Variants in ARHGEF9 observed in about 807,000 individuals in gnomAD.
ARHGEF9 encodes Cdc42 guanine nucleotide exchange factor 9.
ARHGEF9 carries 2 observed loss-of-function variants against 41.3 expected under a neutral mutation model. The ratio of observed to expected loss-of-function variants is 0.05; its 90% CI spans 0.02 to 0.15. The LOEUF (loss-of-function observed/expected upper bound fraction) is 0.15, where lower values mean the gene tolerates loss of function less well. Among genes scored for constraint, ARHGEF9 ranks in the 10% least tolerant of loss-of-function variants. The pLI is 1.00. For missense variants in ARHGEF9, 225 were observed against 424.7 expected (o/e 0.53, Z 4.13); for synonymous variants, 160 against 154.4 (o/e 1.04, Z -0.27).
chrX:63,648,288 T>C (rs781801748), intron 8 of ARHGEF9, among the ~76,000 whole-genome samples: 4 of 110,572 alleles, frequency 3.6e-5, no homozygotes, highest in Non-Finnish European at 3.8e-5. Context: ...AGAGTGGGGG[T>C]CAATATTGAA....
chrX:63,671,109 C>T (rs782819074), intron 6 of ARHGEF9: 1 of 112,557 alleles, frequency 8.9e-6, no homozygotes, highest in African/African-American at 3.2e-5. Flanking sequence ...CATGCAGATG[C>T]TTTTGACAGC....
intron 2 of ARHGEF9, among the ~76,000 whole-genome samples, chrX:63,713,696 T>TCACATACACA (rs1285025779): frequency 1.5e-4 from 12 of 81,203 alleles, no homozygotes; most frequent in African/African-American, 1.1e-3. Flanking sequence ...AGCTCCCACT[T>TCACATACACA]CACATACACA....
intron 1 of ARHGEF9, among the ~76,000 whole-genome samples, chrX:63,729,929 G>A (rs782224441): frequency 8.9e-6 from 1 of 112,270 alleles, no homozygotes; most frequent in Non-Finnish European, 1.9e-5. Flanking sequence ...CCAGATTTCC[G>A]AAGACAATCC....
chrX:63,678,503 G>C lies in ARHGEF9; in HGVS notation c.652C>G (p.Leu218Val), dbSNP rs2050412325. 2 of 1,206,042 alleles carry C rather than the reference G, an allele frequency of 1.7e-6. No homozygotes were observed. Among genetic ancestry groups the C allele is most frequent in the Non-Finnish European group, 2.2e-6 (2 of 892,524 alleles). Residue 218 changes from leucine (L) to valine (V), a missense_variant, in exon 5 of 10, where the codon CTG becomes GTG. Around this residue, in one of 3 missense-constraint regions of ARHGEF9, gnomAD observed 114 missense variants for 197.9 expected, o/e 0.58. Coordinates refer to ENST00000671741, the MANE Select transcript of ARHGEF9 (RefSeq NM_001353921.2). ...TGCTGGTAGCGGCTGTCCTTCATCA[G>C]TTTGGAGAGCTCCATGCAAGCATCC... The part of the protein sequence containing the change: ...HLDACMELSK[L>V]MKDSRYQHFF...
chrX:63,785,195 G>A lies in ARHGEF9; in HGVS notation c.-50C>T. The A allele has an allele frequency of 8.7e-7, 1 of 1,149,538 alleles. No homozygotes were observed. The allele number at this position is 1,149,538 out of a possible 1,213,427, so 94.7% of individuals were successfully genotyped here. A position where few individuals can be genotyped will look rare whatever the true frequency, so the allele number is the denominator to read the frequency against. ...TGAGGCCCCGTAGCTGGCGCGAGTT[G>A]TCGCGGGCTGACTAGAAGGGCTGGG... On this transcript the variant is annotated 5_prime_UTR_variant, in exon 1 of 10. Transcript: ENST00000671741.
intron 1 of ARHGEF9, among the ~76,000 whole-genome samples, chrX:63,778,044 C>T (rs1415752413): frequency 8.9e-6 from 1 of 112,895 alleles, no homozygotes; most frequent in Non-Finnish European, 1.9e-5. Flanking sequence ...TGTGTGGGAG[C>T]TCCAACCCCA....
At chrX:63,708,029 A>T (rs1207447505) in intron 2 of ARHGEF9, among the ~76,000 whole-genome samples, 1 of 111,902 alleles carries the variant, frequency 8.9e-6, no homozygotes, top group Non-Finnish European at 1.9e-5. Flanking sequence ...ATATCTTTCC[A>T]GCTTCTAAAA....
intron 4 of ARHGEF9, among the ~76,000 whole-genome samples, chrX:63,693,438 C>T (rs1241162357): frequency 4.6e-5 from 5 of 109,493 alleles, no homozygotes; most frequent in Non-Finnish European, 7.6e-5. Flanking sequence ...GGTGAAACCC[C>T]GTCTCTACTA....
intron 7 of ARHGEF9, among the ~76,000 whole-genome samples, chrX:63,665,403 T>A (rs1439013089): frequency 1.8e-5 from 2 of 111,985 alleles, no homozygotes; most frequent in African/African-American, 6.5e-5. Flanking sequence ...ATGGAAAAAA[T>A]TCCTATATCA....
At chrX:63,659,754 CAAT>C in intron 7 of ARHGEF9, among the ~76,000 whole-genome samples, 1 of 111,447 alleles carries the variant, frequency 9.0e-6, no homozygotes. Context: ...ATAAGAACAA[CAAT>C]AATAGCAACA....
At chrX:63,764,336 T>C (rs1357091476) in intron 1 of ARHGEF9, among the ~76,000 whole-genome samples, 3 of 112,535 alleles carry the variant, frequency 2.7e-5, no homozygotes, top group Non-Finnish European at 5.6e-5. Context: ...CTAGCAAGGA[T>C]GTGGAGAAAA....
intron 1 of ARHGEF9, among the ~76,000 whole-genome samples, chrX:63,746,007 C>T (rs1309035370): frequency 3.0e-4 from 34 of 112,282 alleles, no homozygotes; most frequent in African/African-American, 1.1e-3. Flanking sequence ...CATAGTTCTT[C>T]TACTGAAACC....
At chrX:63,678,963 T>G (rs1330729317) in intron 4 of ARHGEF9, among the ~76,000 whole-genome samples, 2 of 111,886 alleles carry the variant, frequency 1.8e-5, no homozygotes, top group African/African-American at 6.5e-5. Flanking sequence ...ACCCTGCCAC[T>G]GAGAGTAGCT....
At chrX:63,666,373 G>A (rs2049548934) in intron 6 of ARHGEF9, among the ~76,000 whole-genome samples, 2 of 103,041 alleles carry the variant, frequency 1.9e-5, no homozygotes, top group Admixed American at 1.1e-4. Context: ...ATATATGTGT[G>A]TGGAGAAAGA....
intron 1 of ARHGEF9, among the ~76,000 whole-genome samples, chrX:63,761,098 G>C (rs1353326655): frequency 6.3e-5 from 7 of 111,320 alleles, no homozygotes; most frequent in Non-Finnish European, 1.3e-4. Flanking sequence ...ATCACCCATG[G>C]TCATTTGTGC....
At chrX:63,752,544 G>C (rs1330384286) in intron 1 of ARHGEF9, among the ~76,000 whole-genome samples, 2 of 111,185 alleles carry the variant, frequency 1.8e-5, no homozygotes, top group African/African-American at 3.3e-5. Context: ...CAAAGAAATA[G>C]GTTCTCAGTT....
intron 4 of ARHGEF9, among the ~76,000 whole-genome samples, chrX:63,694,174 C>T (rs1217479221): frequency 9.4e-6 from 1 of 105,868 alleles, no homozygotes. Context: ...CGAAGCAAGA[C>T]TCTGTCTCCA....
At chrX:63,647,713 C>T (rs1250579865) in intron 8 of ARHGEF9, among the ~76,000 whole-genome samples, 10 of 110,965 alleles carry the variant, frequency 9.0e-5, no homozygotes, top group Non-Finnish European at 1.7e-4. Context: ...GTGTCTCTGC[C>T]AGGCTTTGGT....
intron 1 of ARHGEF9, 24 bp downstream of exon 1, chrX:63,785,092 G>T: frequency 8.6e-7 from 1 of 1,164,451 alleles, no homozygotes; most frequent in Non-Finnish European, 1.1e-6. Flanking sequence ...TCAAGCAAGG[G>T]AAGCCAAGGT....
Sources: gnomAD v4.1 joint callset for allele counts (sites outside exome capture counted in the v4.1 genomes callset) on GRCh38, gnomAD v4.1.1 for gene constraint, gnomAD v4.1.1 regional missense constraint, MANE v1.5 for transcripts, NCBI Gene and HGNC (gene_info 2026-07-23, HGNC 2026-07-21) for gene names.